The following VAT1L variants were observed in gnomAD, a reference collection of about 807,000 sequenced individuals.
The protein encoded by VAT1L is putative NADPH-dependent quinone oxidoreductase VAT1L.
In VAT1L, 34 loss-of-function variants were observed where a neutral mutation model predicts 44.1. The observed-to-expected ratio is 0.77, with a 90% CI of 0.59 to 1.03. The LOEUF (loss-of-function observed/expected upper bound fraction) is 1.03, where lower values mean the gene tolerates loss of function less well. Among genes scored for constraint, VAT1L ranks in the 50% least tolerant of loss-of-function variants. The probability of loss-of-function intolerance (pLI) is 0.00; values close to 1 mark genes in which losing one functional copy is unlikely to be tolerated. For synonymous variants in VAT1L, 253 were observed against 202.2 expected (o/e 1.25, Z -2.13); for missense variants, 615 against 538.8 (o/e 1.14, Z -1.40).
chr16:77,960,107 TA>T (rs2018145346), intron 7 of VAT1L, among the ~76,000 whole-genome samples: 1 of 152,092 alleles, frequency 6.6e-6, no homozygotes, highest in Admixed American at 6.6e-5. Flanking sequence ...CACAACCTCA[TA>T]ACACCATCTT....
chr16:77,792,133 C>A (rs1054804261), intron 1 of VAT1L, among the ~76,000 whole-genome samples: 3 of 152,156 alleles, frequency 2.0e-5, no homozygotes. Flanking sequence ...GGATCAGATG[C>A]AAGAAAGACA....
chr16:77,846,572 C>G (rs1407127032), intron 3 of VAT1L, among the ~76,000 whole-genome samples: 1 of 152,120 alleles, frequency 6.6e-6, no homozygotes, highest in East Asian at 1.9e-4. Flanking sequence ...GAGCTAGACA[C>G]AAAGTATACA....
intron 3 of VAT1L, among the ~76,000 whole-genome samples, chr16:77,841,217 A>G (rs1364203345): frequency 6.6e-6 from 1 of 152,174 alleles, no homozygotes; most frequent in African/African-American, 2.4e-5. Flanking sequence ...AGTAACTGAG[A>G]CTACAGGCTC....
At chr16:77,902,288 T>C (rs1179423543) in intron 7 of VAT1L, among the ~76,000 whole-genome samples, 1 of 152,214 alleles carries the variant, frequency 6.6e-6, no homozygotes, top group Non-Finnish European at 1.5e-5. Context: ...GTAATTAACC[T>C]CATCTGTATA....
intron 7 of VAT1L, among the ~76,000 whole-genome samples, chr16:77,971,368 C>A (rs1485173452): frequency 6.6e-6 from 1 of 152,150 alleles, no homozygotes; most frequent in Non-Finnish European, 1.5e-5. Flanking sequence ...CATTTCCTCC[C>A]AATAACCAGA....
intron 7 of VAT1L, among the ~76,000 whole-genome samples, chr16:77,907,096 GA>G (rs1306086400): frequency 1.3e-5 from 2 of 152,224 alleles, no homozygotes; most frequent in African/African-American, 2.4e-5. Flanking sequence ...CCTAGCGGGG[GA>G]AAAAAAGCCC....
chr16:77,934,975 T>C (rs894712320), intron 7 of VAT1L, among the ~76,000 whole-genome samples: 1 of 152,044 alleles, frequency 6.6e-6, no homozygotes, highest in Non-Finnish European at 1.5e-5. Context: ...GGGACCCTAG[T>C]CTAGTTTTCA....
intron 7 of VAT1L, among the ~76,000 whole-genome samples, chr16:77,910,216 GA>G (rs2017484573): frequency 6.6e-6 from 1 of 152,172 alleles, no homozygotes; most frequent in African/African-American, 2.4e-5. Flanking sequence ...CTGCTTTGAG[GA>G]AAGAGAAAAT....
At chr16:77,975,120 G>A (rs1000015984) in intron 8 of VAT1L, among the ~76,000 whole-genome samples, 5 of 149,610 alleles carry the variant, frequency 3.3e-5, no homozygotes, top group Non-Finnish European at 5.9e-5. Context: ...AGGATGTGTC[G>A]CTGTCCGCTC....
rs574070671 is a variant in VAT1L, at chr16:77,961,483, A to C, written c.1078-10367A>C. Among the ~76,000 whole-genome samples the C allele has an allele frequency of 5.3e-5, 8 of 152,218 alleles. No individual in the cohort carries two copies. In the South Asian group the frequency reaches 1.7e-3, roughly 32 times the overall value. The stretch of plus-strand genomic sequence containing the variant: ...TACATTTTAGAGATGGAGGTGGGAG[A>C]AGAAACCATTGTTCTCCAAGGTTTC... On this transcript the variant is annotated intron_variant, in intron 7 of 8. Transcript: ENST00000302536.
In VAT1L at chr16:77,978,251, C is replaced by T. The variant is rs1221533887; in HGVS notation, c.*556C>T. 1.3e-5 allele frequency: 2 copies of T among 153,720 alleles called. No individual in the cohort carries two copies. Among genetic ancestry groups the T allele is most frequent in the Admixed American group, 1.3e-4 (2 of 15,626 alleles). The allele number at this position is 153,720 out of a possible 1,614,324, so 9.5% of individuals were successfully genotyped here. A position where few individuals can be genotyped will look rare whatever the true frequency, so the allele number is the denominator to read the frequency against. Reference sequence around the variant, plus strand: ...TCTCTCTCCATTTAAGAGACAACTACGGTCAAAAGTTTGAGCCATTCTCTT... The same window carrying T: ...TCTCTCTCCATTTAAGAGACAACTATGGTCAAAAGTTTGAGCCATTCTCTT... On this transcript the variant is annotated 3_prime_UTR_variant, in exon 9 of 9. Coordinates refer to ENST00000302536, the MANE Select transcript of VAT1L (RefSeq NM_020927.3).
At chr16:77,805,256 C>T (rs2016134827) in intron 1 of VAT1L, among the ~76,000 whole-genome samples, 1 of 152,126 alleles carries the variant, frequency 6.6e-6, no homozygotes, top group Non-Finnish European at 1.5e-5. Context: ...TTTTTCTTTC[C>T]TAGCAAATTT....
intron 7 of VAT1L, among the ~76,000 whole-genome samples, chr16:77,948,223 C>A (rs1411072086): frequency 2.0e-5 from 3 of 152,190 alleles, no homozygotes; most frequent in African/African-American, 4.8e-5. Context: ...CTCCTGGCTT[C>A]AAGGGCAGAG....
At chr16:77,930,086 T>C (rs2017712097) in intron 7 of VAT1L, among the ~76,000 whole-genome samples, 1 of 152,180 alleles carries the variant, frequency 6.6e-6, no homozygotes, top group Admixed American at 6.5e-5. Context: ...AGGACCTACC[T>C]TCCAGCCCAA....
chr16:77,839,942 T>C (rs1268517064), intron 3 of VAT1L, among the ~76,000 whole-genome samples: 1 of 152,080 alleles, frequency 6.6e-6, no homozygotes. Flanking sequence ...TGGCATAGAG[T>C]TGAGAGTCTT....
intron 3 of VAT1L, among the ~76,000 whole-genome samples, chr16:77,845,000 C>G (rs1422754842): frequency 2.0e-5 from 3 of 152,162 alleles, no homozygotes; most frequent in South Asian, 2.1e-4. Context: ...ATGTGAAAAG[C>G]AGGAAGAAAG....
chr16:77,837,256 T>G (rs1329867728), intron 3 of VAT1L, among the ~76,000 whole-genome samples: 4 of 152,224 alleles, frequency 2.6e-5, no homozygotes, highest in Admixed American at 2.6e-4. Flanking sequence ...GGATCTTTAG[T>G]TGACACAGCT....
intron 3 of VAT1L, among the ~76,000 whole-genome samples, chr16:77,831,586 T>C (rs1184249787): frequency 6.6e-5 from 10 of 152,130 alleles, no homozygotes; most frequent in Non-Finnish European, 1.5e-4. Flanking sequence ...GTCTATAAAA[T>C]ACCTGACCGG....
intron 4 of VAT1L, among the ~76,000 whole-genome samples, chr16:77,873,045 G>A (rs1400614058): frequency 4.6e-5 from 7 of 152,196 alleles, no homozygotes; most frequent in Non-Finnish European, 7.3e-5. Context: ...CTGAATGTAT[G>A]TGTATTTATT....
Sources: allele counts gnomAD v4.1 joint callset (sites outside exome capture counted in the v4.1 genomes callset), GRCh38; gene constraint gnomAD v4.1.1; transcripts MANE v1.5; gene names NCBI Gene and HGNC (gene_info 2026-07-23, HGNC 2026-07-21).